Variants in TSC22D4 observed in about 807,000 individuals in gnomAD.
The protein encoded by TSC22D4 is TSC22 domain family protein 4.
Under a neutral mutation model 24.9 loss-of-function variants are expected in TSC22D4, and 5 were observed. The ratio of observed to expected loss-of-function variants is 0.20; its 90% CI spans 0.10 to 0.42. The LOEUF is 0.42. Ranked by LOEUF, TSC22D4 falls within the 10% of genes least tolerant of loss-of-function variation. The probability of loss-of-function intolerance (pLI) is 1.00; values close to 1 mark genes in which losing one functional copy is unlikely to be tolerated. For synonymous variants in TSC22D4, 245 were observed against 243.2 expected (o/e 1.01, Z -0.07); for missense variants, 469 against 547.9 (o/e 0.86, Z 1.44).
chr7:100,478,195 G>C lies in TSC22D4; in HGVS notation c.-157C>G, dbSNP rs1318840051. ...TGGCAGGAGGGCCTGGCGGGAACCG[G>C]GGGTGCCTGCTGGGTGAGGGGAGAA... On this transcript the variant is annotated 5_prime_UTR_variant, in exon 2 of 5. Coordinates refer to ENST00000300181, the MANE Select transcript of TSC22D4 (RefSeq NM_030935.5). 1 of 623,092 alleles carries C rather than the reference G, an allele frequency of 1.6e-6. No individual in the cohort carries two copies. The highest frequency in any genetic ancestry group is 1.9e-5 in the African/African-American group (1 of 53,934). 38.6% of individuals were successfully genotyped at this position (623,092 alleles called of 1,614,324 possible).
intron 1 of TSC22D4, among the ~76,000 whole-genome samples, chr7:100,478,527 A>C (rs553164215): frequency 1.3e-5 from 2 of 152,102 alleles, no homozygotes; most frequent in South Asian, 4.1e-4. Context: ...ACTGGATCCA[A>C]GAAGGCACTC....
rs77948633 is a variant in TSC22D4, at chr7:100,475,612, G to A, written c.763-1172C>T. Among the ~76,000 whole-genome samples, 947 of 152,064 alleles carry A rather than the reference G, an allele frequency of 6.2e-3. 11 individuals are homozygous for A. Among genetic ancestry groups the A allele is most frequent in the African/African-American group, 0.021 (886 of 41,476 alleles). On this transcript the variant is annotated intron_variant, in intron 2 of 4. Coordinates refer to ENST00000300181, the MANE Select transcript of TSC22D4 (RefSeq NM_030935.5). The stretch of plus-strand genomic sequence containing the variant: ...ATCCCCTCACCCACCCCCCACTCTC[G>A]CTTCCCCTCTCAAACTTCTCGGACT...
intron 3 of TSC22D4, among the ~76,000 whole-genome samples, chr7:100,472,058 T>C (rs896826098): frequency 1.3e-5 from 2 of 151,926 alleles, no homozygotes; most frequent in African/African-American, 4.8e-5. Context: ...GTGAGCATTC[T>C]AGATTCACCT....
chr7:100,477,457 G>A lies in TSC22D4; in HGVS notation c.582C>T (p.Arg194=), dbSNP rs1386462741. The part of the protein sequence containing the change: ...PPLSASSPQQ[R]PPEPETGESA... Reference sequence around the variant, plus strand: ...TCTCACCGGTCTCAGGCTCTGGGGGGCGCTGCTGGGGTGAGGAGGCCGACA... The same window carrying A: ...TCTCACCGGTCTCAGGCTCTGGGGGACGCTGCTGGGGTGAGGAGGCCGACA... Residue 194 remains arginine (R), a synonymous_variant, in exon 2 of 5, where the codon CGC becomes CGT. Transcript: ENST00000300181. This position sits in a 1 kb window ranked among gnomAD's most constrained non-coding sequence, Gnocchi z 7.8. 1 of 1,561,664 alleles carries A rather than the reference G, an allele frequency of 6.4e-7. No individual in the cohort carries two copies. Among genetic ancestry groups the A allele is most frequent in the Non-Finnish European group, 8.7e-7 (1 of 1,154,512 alleles).
Position 100,466,818 on chromosome 7 carries a change from G to A in TSC22D4, c.*141C>T. The stretch of plus-strand genomic sequence containing the variant: ...CTGGGGATGATGAGGAGATGGGGCA[G>A]GGGCCGGGGGACCAGGCCATTACTG... On this transcript the variant is annotated 3_prime_UTR_variant, in exon 5 of 5. Coordinates refer to ENST00000300181, the MANE Select transcript of TSC22D4 (RefSeq NM_030935.5). 1 of 818,584 alleles carries A rather than the reference G, an allele frequency of 1.2e-6. No homozygotes were observed. Among genetic ancestry groups the A allele is most frequent in the Middle Eastern group, 3.7e-4 (1 of 2,686 alleles). 50.7% of individuals were successfully genotyped at this position (818,584 alleles called of 1,614,324 possible).
chr7:100,477,205 A>T lies in TSC22D4; in HGVS notation c.762+72T>A, dbSNP rs972361345. On this transcript the variant is annotated intron_variant, in intron 2 of 4. Transcript: ENST00000300181. The surrounding 1 kb of genome is among the most constrained non-coding windows in gnomAD (Gnocchi z 7.8). The stretch of plus-strand genomic sequence containing the variant: ...GGAGAAGGAGGAGGAGAGGGGGGGG[A>T]GGAGGAGGAAGGAGGCTCAAGATAG... 168 of 1,071,796 alleles carry T rather than the reference A, an allele frequency of 1.6e-4. No homozygotes were observed. Among genetic ancestry groups the T allele is most frequent in the Non-Finnish European group, 2.0e-4 (163 of 800,194 alleles). 66.4% of individuals were successfully genotyped at this position (1,071,796 alleles called of 1,614,324 possible). A position where few individuals can be genotyped will look rare whatever the true frequency, so the allele number is the denominator to read the frequency against.
chr7:100,467,124 C>T lies in TSC22D4; in HGVS notation c.1023G>A (p.Val341=), dbSNP rs770320590. Reference sequence around the variant, plus strand: ...CCCGGATCTGCTCCTTCAGCACCTCCACCTCCTCCCGGACCGCAAACATGA... The same window carrying T: ...CCCGGATCTGCTCCTTCAGCACCTCTACCTCCTCCCGGACCGCAAACATGA... The part of the protein sequence containing the change: ...SHLMFAVREE[V]EVLKEQIREL... Residue 341 remains valine, a synonymous_variant, in exon 5 of 5, where the codon GTG becomes GTA. Coordinates refer to ENST00000300181, the MANE Select transcript of TSC22D4 (RefSeq NM_030935.5). 1.4e-5 allele frequency: 23 copies of T among 1,614,186 alleles called. No individual in the cohort carries two copies. The highest frequency in any genetic ancestry group is 1.4e-5 in the Non-Finnish European group (17 of 1,180,034).
chr7:100,468,144 T>A, intron 3 of TSC22D4: 1 of 313,322 alleles, frequency 3.2e-6, no homozygotes, highest in Non-Finnish European at 6.5e-6. Flanking sequence ...TATTGGCTCC[T>A]TGGGGACACG....
intron 1 of TSC22D4, 80 bp from the exon 2 acceptor site, chr7:100,478,387 G>GTGTGTGTGTGTGTGTC: frequency 3.6e-6 from 1 of 274,378 alleles, no homozygotes; most frequent in South Asian, 5.4e-5. Context: ...GTGTGTGTGT[G>GTGTGTGTGTGTGTGTC]TGTGTGTGTG....
At chr7:100,467,322 A>C (rs1444957290) in intron 4 of TSC22D4, 154 bp from the exon 5 acceptor site, 7 of 911,638 alleles carry the variant, frequency 7.7e-6, no homozygotes, top group Admixed American at 2.0e-5. Context: ...GGACAGAGGC[A>C]GAGTCAGGGC....
At position 100,478,144 on chromosome 7, in the gene TSC22D4, G is replaced by A. The variant is rs1563184339; in HGVS notation, c.-106C>T. ...GGGGCCACATGGCGGGGACATCCGAGCCCCTGGGGACGTCTGGGTCCGACA... is the reference window on the plus strand; with the variant it reads ...GGGGCCACATGGCGGGGACATCCGAACCCCTGGGGACGTCTGGGTCCGACA... On this transcript the variant is annotated 5_prime_UTR_variant, in exon 2 of 5. Transcript: ENST00000300181. The A allele has an allele frequency of 9.8e-7, 1 of 1,017,588 alleles. No individual in the cohort carries two copies. The allele number at this position is 1,017,588 out of a possible 1,614,324, so 63.0% of individuals were successfully genotyped here.
chr7:100,472,220 CACCAG>C (rs1799405200), intron 3 of TSC22D4, among the ~76,000 whole-genome samples: 1 of 152,158 alleles, frequency 6.6e-6, no homozygotes, highest in Non-Finnish European at 1.5e-5. Flanking sequence ...GCCCTGTGCA[CACCAG>C]ACAGGAGAGG....
intron 3 of TSC22D4, chr7:100,467,919 G>A: frequency 1.8e-6 from 1 of 563,432 alleles, no homozygotes; most frequent in Non-Finnish European, 3.5e-6. Context: ...CCAGGGACTT[G>A]ACAGAGACCC....
chr7:100,473,029 C>T (rs776653073), intron 3 of TSC22D4, among the ~76,000 whole-genome samples: 18 of 152,176 alleles, frequency 1.2e-4, no homozygotes, highest in Non-Finnish European at 2.6e-4. Context: ...GACTCCCCAG[C>T]CCTTCTGCCC....
chr7:100,478,191 A>C lies in TSC22D4; in HGVS notation c.-153T>G. 3 of 320,396 alleles carry C rather than the reference A, an allele frequency of 9.4e-6. No individual in the cohort carries two copies. Among genetic ancestry groups the C allele is most frequent in the Non-Finnish European group, 1.1e-5 (2 of 181,892 alleles). 19.8% of individuals were successfully genotyped at this position (320,396 alleles called of 1,614,324 possible). A position where few individuals can be genotyped will look rare whatever the true frequency, so the allele number is the denominator to read the frequency against. ...GACATGGCAGGAGGGCCTGGCGGGA[A>C]CCGGGGGTGCCTGCTGGGTGAGGGG... On this transcript the variant is annotated 5_prime_UTR_variant, in exon 2 of 5. Coordinates refer to ENST00000300181, the MANE Select transcript of TSC22D4 (RefSeq NM_030935.5).
intron 3 of TSC22D4, among the ~76,000 whole-genome samples, chr7:100,471,241 G>C (rs1273244301): frequency 1.3e-5 from 2 of 152,064 alleles, no homozygotes; most frequent in Non-Finnish European, 1.5e-5. Flanking sequence ...GAGGGGGAAG[G>C]GGGGCTGGCT....
rs1290673403 is a variant in TSC22D4 at position 100,478,039 on chromosome 7, G to A, written c.-1C>T. 1 of 1,591,224 alleles carries A rather than the reference G, an allele frequency of 6.3e-7. No homozygotes were observed. The highest frequency in any genetic ancestry group is 8.5e-7 in the Non-Finnish European group (1 of 1,171,304). On this transcript the variant is annotated 5_prime_UTR_variant, in exon 2 of 5. Coordinates refer to ENST00000300181, the MANE Select transcript of TSC22D4 (RefSeq NM_030935.5). ...TACTCTTCTTCTTGCCCCCGCTCAT[G>A]GTCCCTGGGGCTCAGGGCTGGGCCA...
At position 100,474,179 on chromosome 7, in the gene TSC22D4, G is replaced by A. The variant is rs1398527869; in HGVS notation, c.929+95C>T. The A allele has an allele frequency of 6.6e-7, 1 of 1,518,580 alleles. No individual in the cohort carries two copies. The highest frequency in any genetic ancestry group is 9.0e-7 in the Non-Finnish European group (1 of 1,115,372). The allele number at this position is 1,518,580 out of a possible 1,614,324, so 94.1% of individuals were successfully genotyped here. On this transcript the variant is annotated intron_variant, in intron 3 of 4. Coordinates refer to ENST00000300181, the MANE Select transcript of TSC22D4 (RefSeq NM_030935.5). This position sits in a 1 kb window ranked among gnomAD's most constrained non-coding sequence, Gnocchi z 4.3. The stretch of plus-strand genomic sequence containing the variant: ...AGGTCCTCTCCAAGTTCAACCTGGG[G>A]GAAGGATGCCTACCAGGCACTTTCT...
At position 100,474,950 on chromosome 7, in the gene TSC22D4, C is replaced by A. The variant is rs2131050161; in HGVS notation, c.763-510G>T. On this transcript the variant is annotated intron_variant, in intron 2 of 4. Coordinates refer to ENST00000300181, the MANE Select transcript of TSC22D4 (RefSeq NM_030935.5). This position sits in a 1 kb window ranked among gnomAD's most constrained non-coding sequence, Gnocchi z 4.3. ...CCGAGTAGCTGGGACTACAGGCATG[C>A]ACCATCATAACTGGCTAATTTTTTA... 6.6e-6 allele frequency among the ~76,000 whole-genome samples: 1 copy of A among 152,150 alleles called. No homozygotes were observed. Among genetic ancestry groups the A allele is most frequent in the African/African-American group, 2.4e-5 (1 of 41,508 alleles).
Sources: allele counts gnomAD v4.1 joint callset (sites outside exome capture counted in the v4.1 genomes callset), GRCh38; gene constraint gnomAD v4.1.1; non-coding constraint Gnocchi (gnomAD v3.1); transcripts MANE v1.5; gene names NCBI Gene and HGNC (gene_info 2026-07-23, HGNC 2026-07-21).